The following SIPA1L1 variants were observed in gnomAD, a reference collection of about 807,000 sequenced individuals.
SIPA1L1 encodes signal-induced proliferation-associated 1-like protein 1.
A neutral mutation model predicts 162.7 loss-of-function variants in SIPA1L1; 26 were observed. The observed-to-expected ratio is 0.16, with a 90% CI of 0.12 to 0.22. SIPA1L1 has a LOEUF of 0.22. SIPA1L1 is among the 10% of genes least tolerant of loss of function. The pLI is 1.00. For synonymous variants in SIPA1L1, 829 were observed against 837.4 expected (o/e 0.99, Z 0.17); for missense variants, 1,874 against 2,241.0 (o/e 0.84, Z 3.31).
chr14:71,436,896 C>T (rs1210271367), intron 2 of SIPA1L1, among the ~76,000 whole-genome samples: 4 of 151,474 alleles, frequency 2.6e-5, no homozygotes, highest in Non-Finnish European at 5.9e-5. Flanking sequence ...TCTGGAGTAG[C>T]TGGGACTACA....
rs1567178696 is a variant in SIPA1L1 at position 71,543,868 on chromosome 14, C to CATATATCATAT, written c.-303+14498_-303+14499insATATATCATAT. The stretch of plus-strand genomic sequence containing the variant: ...TATGTGTATATATACATATATCATA[C>CATATATCATAT]GTATGTGTATATATACATATATCAT... On this transcript the variant is annotated intron_variant, in intron 4 of 23. Transcript: ENST00000381232. Among the ~76,000 whole-genome samples, 115 of 134,820 alleles carry CATATATCATAT rather than the reference C, an allele frequency of 8.5e-4. 1 individual carries two copies. The highest frequency in any genetic ancestry group is 7.1e-3 in the South Asian group (30 of 4,204). 88.4% of individuals were successfully genotyped at this position (134,820 alleles called of 152,430 possible).
intron 5 of SIPA1L1, among the ~76,000 whole-genome samples, chr14:71,615,122 C>T (rs1271473461): frequency 2.0e-5 from 3 of 152,092 alleles, no homozygotes; most frequent in Non-Finnish European, 1.5e-5. Flanking sequence ...TGTCATACTT[C>T]GGATGAGACC....
At chr14:71,391,385 G>A (rs747208968) in intron 2 of SIPA1L1, among the ~76,000 whole-genome samples, 1 of 152,138 alleles carries the variant, frequency 6.6e-6, no homozygotes, top group Non-Finnish European at 1.5e-5. Context: ...GATTACAGGC[G>A]TGAGACACCG....
intron 2 of SIPA1L1, among the ~76,000 whole-genome samples, chr14:71,422,674 C>T (rs115688720): frequency 6.6e-5 from 10 of 152,314 alleles, no homozygotes; most frequent in African/African-American, 1.4e-4. Context: ...CTTTATAAAG[C>T]GGAATAATAT....
At chr14:71,651,148 T>C (rs1166326808) in intron 8 of SIPA1L1, among the ~76,000 whole-genome samples, 1 of 152,228 alleles carries the variant, frequency 6.6e-6, no homozygotes, top group Non-Finnish European at 1.5e-5. Flanking sequence ...GTCAGTAAAA[T>C]AGTTAACATT....
intron 3 of SIPA1L1, among the ~76,000 whole-genome samples, chr14:71,518,998 G>C (rs1235067167): frequency 6.6e-6 from 1 of 152,102 alleles, no homozygotes; most frequent in Non-Finnish European, 1.5e-5. Flanking sequence ...CACAACAATA[G>C]CATGGGAAAG....
At chr14:71,621,188 A>G (rs115098964) in intron 6 of SIPA1L1, among the ~76,000 whole-genome samples, 18 of 152,222 alleles carry the variant, frequency 1.2e-4, no homozygotes, top group African/African-American at 3.9e-4. Context: ...CCCTGCTTCT[A>G]TGCTGAAGCC....
intron 2 of SIPA1L1, among the ~76,000 whole-genome samples, chr14:71,352,772 C>G (rs2036845260): frequency 6.6e-6 from 1 of 152,164 alleles, no homozygotes; most frequent in African/African-American, 2.4e-5. Context: ...TTGGTAGATA[C>G]TGATAAACAG....
chr14:71,617,932 A>G (rs923016931), intron 5 of SIPA1L1, among the ~76,000 whole-genome samples: 1 of 152,212 alleles, frequency 6.6e-6, no homozygotes, highest in African/African-American at 2.4e-5. Context: ...TCAACAGTTT[A>G]AATTTTTAAA....
chr14:71,603,257 G>C (rs988927865), intron 5 of SIPA1L1, among the ~76,000 whole-genome samples: 2 of 151,824 alleles, frequency 1.3e-5, no homozygotes, highest in Non-Finnish European at 2.9e-5. Context: ...GTTTCTTGTG[G>C]ATATTATATA....
chr14:71,468,005 G>GTGT (rs2047147242), intron 2 of SIPA1L1, among the ~76,000 whole-genome samples: 1 of 141,606 alleles, frequency 7.1e-6, no homozygotes, highest in Admixed American at 7.1e-5. Flanking sequence ...CAGTTAGAGG[G>GTGT]GTGTGTGTGT....
chr14:71,568,421 G>A (rs1262288646), intron 4 of SIPA1L1, among the ~76,000 whole-genome samples: 1 of 152,166 alleles, frequency 6.6e-6, no homozygotes, highest in African/African-American at 2.4e-5. Flanking sequence ...TATGGTGAGG[G>A]CCATTCACAA....
chr14:71,455,913 T>G (rs565777059), intron 2 of SIPA1L1, among the ~76,000 whole-genome samples: 9 of 152,334 alleles, frequency 5.9e-5, no homozygotes, highest in African/African-American at 2.2e-4. Flanking sequence ...TTTAATATAC[T>G]TTTGGTGGTT....
Position 71,542,023 on chromosome 14 carries a change from A to G in SIPA1L1, c.-303+12653A>G, listed in dbSNP as rs368278566. Among the ~76,000 whole-genome samples, 43 of 152,262 alleles carry G rather than the reference A, an allele frequency of 2.8e-4. No individual in the cohort carries two copies. In the East Asian group the frequency reaches 8.1e-3, roughly 29 times the overall value. On this transcript the variant is annotated intron_variant, in intron 4 of 23. Coordinates refer to ENST00000381232, the MANE Select transcript of SIPA1L1 (RefSeq NM_001386936.1). ...ACAGGAGGAAATCAATGGCACGACC[A>G]TGGATCCAACCTGCTAGAGAATGAA...
At chr14:71,622,150 A>ACT (rs1376421260) in intron 6 of SIPA1L1, among the ~76,000 whole-genome samples, 7 of 152,206 alleles carry the variant, frequency 4.6e-5, no homozygotes, top group African/African-American at 1.7e-4. Flanking sequence ...TGACAGTGAC[A>ACT]CTCTAGTGGC....
chr14:71,384,546 A>G (rs953731280), intron 2 of SIPA1L1, among the ~76,000 whole-genome samples: 1 of 152,186 alleles, frequency 6.6e-6, no homozygotes, highest in Non-Finnish European at 1.5e-5. Flanking sequence ...TGGCATAGAG[A>G]ATCTCTCAAA....
At chr14:71,514,015 C>T (rs1004337136) in intron 3 of SIPA1L1, among the ~76,000 whole-genome samples, 5 of 152,014 alleles carry the variant, frequency 3.3e-5, no homozygotes, top group African/African-American at 1.2e-4. Context: ...CTTGCCTCCT[C>T]AGAAGAAAAA....
chr14:71,677,993 A>G (rs2045385540), intron 12 of SIPA1L1, among the ~76,000 whole-genome samples: 1 of 151,988 alleles, frequency 6.6e-6, no homozygotes, highest in Non-Finnish European at 1.5e-5. Flanking sequence ...TGTATTTTGT[A>G]TCCTGAGACT....
At chr14:71,450,169 TTA>T (rs2045708811) in intron 2 of SIPA1L1, among the ~76,000 whole-genome samples, 1 of 152,166 alleles carries the variant, frequency 6.6e-6, no homozygotes, top group Non-Finnish European at 1.5e-5. Flanking sequence ...GATAGTGTGT[TTA>T]TGTGTTAATA....
Sources: allele counts gnomAD v4.1 joint callset (sites outside exome capture counted in the v4.1 genomes callset), GRCh38; gene constraint gnomAD v4.1.1; transcripts MANE v1.5; gene names NCBI Gene and HGNC (gene_info 2026-07-23, HGNC 2026-07-21).